RNF4: variants seen among roughly 807,000 people sequenced by gnomAD.
The protein encoded by RNF4 is E3 ubiquitin-protein ligase RNF4.
In RNF4, 7 loss-of-function variants were observed where a neutral mutation model predicts 24.3. The observed-to-expected ratio is 0.29, with a 90% CI of 0.16 to 0.54. RNF4 has a LOEUF of 0.54. Ranked by LOEUF, RNF4 falls within the 20% of genes least tolerant of loss-of-function variation. The pLI, the probability that RNF4 is intolerant of heterozygous loss-of-function variation, is 0.95. For synonymous variants in RNF4, 83 were observed against 84.3 expected, an observed-to-expected ratio of 0.98 and a Z score of 0.09; for missense variants, 209 against 248.5, an observed-to-expected ratio of 0.84 and a Z score of 1.07.
At chr4:2,496,467 G>A (rs1735739095) in intron 2 of RNF4, among the ~76,000 whole-genome samples, 1 of 152,106 alleles carries the variant, frequency 6.6e-6, no homozygotes. Flanking sequence ...TTGACCTGCT[G>A]ATAGTTTTTT....
intron 1 of RNF4, among the ~76,000 whole-genome samples, chr4:2,488,368 C>T (rs1560404632): frequency 6.6e-6 from 1 of 152,156 alleles, no homozygotes; most frequent in Non-Finnish European, 1.5e-5. Context: ...GAGGCTGAGG[C>T]AGGAGAATCA....
At chr4:2,509,497 T>C (rs552252036) in intron 4 of RNF4, among the ~76,000 whole-genome samples, 48 of 152,180 alleles carry the variant, frequency 3.2e-4, no homozygotes, top group Admixed American at 3.1e-3. Flanking sequence ...AGATTCCAGG[T>C]GTGAGCCACC....
chr4:2,478,633 A>G (rs972994675), intron 1 of RNF4, among the ~76,000 whole-genome samples: 3 of 152,282 alleles, frequency 2.0e-5, no homozygotes, highest in African/African-American at 7.2e-5. Flanking sequence ...GGCAGCTTCC[A>G]CATGGTGTTG....
chr4:2,491,724 G>A (rs749580983), intron 2 of RNF4, among the ~76,000 whole-genome samples: 3 of 151,514 alleles, frequency 2.0e-5, no homozygotes, highest in Admixed American at 6.6e-5. Context: ...ATGAGCCACC[G>A]CACCCAGCCG....
chr4:2,469,923 T>G (rs1239288556), intron 1 of RNF4: 1 of 152,258 alleles, frequency 6.6e-6, no homozygotes, highest in Non-Finnish European at 1.5e-5. Context: ...CTGGCGCGCC[T>G]ATAGACAGGT....
intron 2 of RNF4, among the ~76,000 whole-genome samples, chr4:2,492,639 G>C (rs972212674): frequency 5.3e-5 from 8 of 152,232 alleles, no homozygotes; most frequent in African/African-American, 1.9e-4. Flanking sequence ...ACAAACAGCT[G>C]TCAGAGGGAA....
intron 3 of RNF4, chr4:2,499,227 A>G (rs1190708930): frequency 2.3e-6 from 1 of 428,108 alleles, no homozygotes; most frequent in Non-Finnish European, 4.6e-6. Flanking sequence ...ATTACAAGAC[A>G]CTTTCCCCAA....
intron 1 of RNF4, among the ~76,000 whole-genome samples, chr4:2,483,390 ACAT>A (rs1330980739): frequency 6.6e-6 from 1 of 152,230 alleles, no homozygotes; most frequent in African/African-American, 2.4e-5. Context: ...TTGGCCAGCC[ACAT>A]CATTGCTGAC....
At chr4:2,473,054 A>G (rs13135697) in intron 1 of RNF4, among the ~76,000 whole-genome samples, 6,959 of 150,356 alleles carry the variant, frequency 0.046, 226 homozygotes, top group South Asian at 0.16. Flanking sequence ...AAGAAAAAAA[A>G]AAAGAATATT....
chr4:2,506,743 A>AT (rs1342441405), intron 4 of RNF4, among the ~76,000 whole-genome samples: 1 of 151,442 alleles, frequency 6.6e-6, no homozygotes, highest in Non-Finnish European at 1.5e-5. Flanking sequence ...GATTTTTTAT[A>AT]TTTTTTTGGA....
intron 1 of RNF4, among the ~76,000 whole-genome samples, chr4:2,477,221 T>C (rs1306098366): frequency 6.6e-6 from 1 of 152,130 alleles, no homozygotes; most frequent in Non-Finnish European, 1.5e-5. Context: ...AGGGACCCAG[T>C]GGGAGGCAAT....
intron 1 of RNF4, among the ~76,000 whole-genome samples, chr4:2,488,260 C>T (rs1238619083): frequency 6.6e-6 from 1 of 152,118 alleles, no homozygotes; most frequent in Non-Finnish European, 1.5e-5. Context: ...GTCAGAAGTT[C>T]GAGACCAGCC....
At chr4:2,483,831 T>A (rs867119628) in intron 1 of RNF4, among the ~76,000 whole-genome samples, 1 of 151,840 alleles carries the variant, frequency 6.6e-6, no homozygotes, top group Non-Finnish European at 1.5e-5. Flanking sequence ...TTTTATTGAT[T>A]TTTATTTATT....
In RNF4 at chr4:2,512,249, C is replaced by A; in HGVS notation, c.215-189C>A. On this transcript the variant is annotated intron_variant, in intron 5 of 7. Transcript: ENST00000314289. This position sits in a 1 kb window ranked among gnomAD's most constrained non-coding sequence, Gnocchi z 4.1. ...CACAGCAGGGGTTGGGGGGTTTCTC[C>A]TGGGAAGATAAGATAGTGGCCTCCA... 1 of 732,420 alleles carries A rather than the reference C, an allele frequency of 1.4e-6. No individual in the cohort carries two copies. The highest frequency in any genetic ancestry group is 2.2e-6 in the Non-Finnish European group (1 of 445,812). The allele number at this position is 732,420 out of a possible 1,614,324, so 45.4% of individuals were successfully genotyped here. A position where few individuals can be genotyped will look rare whatever the true frequency, so the allele number is the denominator to read the frequency against.
intron 1 of RNF4, among the ~76,000 whole-genome samples, chr4:2,474,514 T>C (rs1181301133): frequency 6.6e-6 from 1 of 152,222 alleles, no homozygotes; most frequent in Non-Finnish European, 1.5e-5. Context: ...TGGAATTTAC[T>C]GCTGAAGGTG....
At chr4:2,508,045 C>T (rs976943711) in intron 4 of RNF4, among the ~76,000 whole-genome samples, 4 of 151,930 alleles carry the variant, frequency 2.6e-5, no homozygotes, top group South Asian at 2.1e-4. Context: ...GGGATCTCGC[C>T]GTGTTGCCCA....
intron 3 of RNF4, among the ~76,000 whole-genome samples, chr4:2,499,152 G>T (rs1455161147): frequency 6.6e-6 from 1 of 151,966 alleles, no homozygotes; most frequent in Non-Finnish European, 1.5e-5. Context: ...AGCCGAGATC[G>T]TGCCACTGCA....
chr4:2,476,164 CCT>C (rs1735064555), intron 1 of RNF4, among the ~76,000 whole-genome samples: 1 of 152,132 alleles, frequency 6.6e-6, no homozygotes, highest in Admixed American at 6.6e-5. Flanking sequence ...TAGGCATTTC[CCT>C]GTCTGCCACA....
intron 2 of RNF4, chr4:2,490,746 G>T (rs535167083): frequency 1.5e-4 from 66 of 439,898 alleles, no homozygotes; most frequent in Admixed American, 3.7e-5. Flanking sequence ...TTAGGGTTTG[G>T]TAATCTCAGA....
Sources: gnomAD v4.1 joint callset for allele counts (sites outside exome capture counted in the v4.1 genomes callset) on GRCh38, gnomAD v4.1.1 for gene constraint, Gnocchi (gnomAD v3.1) non-coding constraint, MANE v1.5 for transcripts, NCBI Gene and HGNC (gene_info 2026-07-23, HGNC 2026-07-21) for gene names.